The following PNPLA2 variants were observed in gnomAD, a reference collection of about 807,000 sequenced individuals.
PNPLA2 encodes patatin-like phospholipase domain-containing protein 2.
Under a neutral mutation model 39.7 loss-of-function variants are expected in PNPLA2, and 28 were observed. The ratio of observed to expected loss-of-function variants is 0.70; its 90% confidence interval spans 0.52 to 0.97. The LOEUF (loss-of-function observed/expected upper bound fraction) is 0.97, where lower values mean the gene tolerates loss of function less well. Among genes scored for constraint, PNPLA2 ranks in the 50% least tolerant of loss-of-function variants. The probability of loss-of-function intolerance (pLI) is 0.00; values close to 1 mark genes in which losing one functional copy is unlikely to be tolerated. For missense variants in PNPLA2, 768 were observed against 698.2 expected, an observed-to-expected ratio of 1.10 and a Z score of -1.13; for synonymous variants, 392 against 321.1, an observed-to-expected ratio of 1.22 and a Z score of -2.36.
chr11:821,898 G>A (rs747565546), intron 3 of PNPLA2, 38 bp downstream of exon 3: 51 of 1,609,340 alleles, frequency 3.2e-5, no homozygotes, highest in Middle Eastern at 1.6e-4. Flanking sequence ...GGCGGTGGGG[G>A]GGGCAGTGGG....
Position 824,953 on chromosome 11 carries a change from T to G in PNPLA2, c.*91T>G. 1 of 1,122,492 alleles carries G rather than the reference T, an allele frequency of 8.9e-7. No homozygotes were observed. The highest frequency in any genetic ancestry group is 1.6e-5 in the African/African-American group (1 of 63,992). 69.5% of individuals were successfully genotyped at this position (1,122,492 alleles called of 1,614,324 possible). The stretch of plus-strand genomic sequence containing the variant: ...GGACTCACAGTTGCCAAGAGGGGTC[T>G]TTGCCGTGGGCCCCCTCGCCAGCCA... On this transcript the variant is annotated 3_prime_UTR_variant, in exon 10 of 10. Coordinates refer to ENST00000336615, the MANE Select transcript of PNPLA2 (RefSeq NM_020376.4).
Position 822,531 on chromosome 11 carries a change from C to G in PNPLA2, c.621C>G (p.Val207=), listed in dbSNP as rs1845702532. Residue 207 remains valine, a synonymous_variant, in exon 5 of 10, where the codon GTC becomes GTG. Coordinates refer to ENST00000336615, the MANE Select transcript of PNPLA2 (RefSeq NM_020376.4). ...DSSTNIHELR[V]TNTSIQFNLR... is the part of the protein sequence containing the mutation. ...CCACCAACATCCACGAGCTGCGGGT[C>G]ACCAACACCAGCATCCAGTTCAACC... The G allele has an allele frequency of 6.2e-7, 1 of 1,613,944 alleles. No individual in the cohort carries two copies. The highest frequency in any genetic ancestry group is 1.3e-5 in the African/African-American group (1 of 74,942).
Position 822,002 on chromosome 11 carries a change from C to G in PNPLA2, c.465C>G (p.Ile155Met). The change falls in exon 4 of 10, where the codon ATC (isoleucine) becomes ATG (methionine). Residue 155 changes from isoleucine to methionine, a missense_variant. Coordinates refer to ENST00000336615, the MANE Select transcript of PNPLA2 (RefSeq NM_020376.4). ...TCATCCCCGTGTACTGTGGGCTCAT[C>G]CCTCCCTCCCTCCAGGGGGTGGTGA... ...SGFIPVYCGL[I>M]PPSLQGVRYV... The G allele has an allele frequency of 6.2e-7, 1 of 1,612,570 alleles. No homozygotes were observed. Among genetic ancestry groups the G allele is most frequent in the South Asian group, 1.1e-5 (1 of 91,060 alleles).
chr11:819,502 T>C, intron 1 of PNPLA2, 72 bp from the exon 2 acceptor site: 2 of 1,243,960 alleles, frequency 1.6e-6, no homozygotes, highest in South Asian at 2.7e-5. Flanking sequence ...CCCCGATTGG[T>C]CTTCGTGTGC....
chr11:824,712 G>T lies in PNPLA2; in HGVS notation c.1365G>T (p.Pro455=), dbSNP rs370430327. Residue 455 remains proline (P), a synonymous_variant, in exon 10 of 10, where the codon CCG becomes CCT. Transcript: ENST00000336615. ...TCTTCTGCACCAACGTGGCCTTCCCGCCCGAAGCTCTGCGCATGCGCGCAC... is the reference window on the plus strand; with the variant it reads ...TCTTCTGCACCAACGTGGCCTTCCCTCCCGAAGCTCTGCGCATGCGCGCAC... ...LGLFCTNVAF[P]PEALRMRAPA... The T allele has an allele frequency of 2.5e-6, 4 of 1,589,680 alleles. No homozygotes were observed. Among genetic ancestry groups the T allele is most frequent in the Admixed American group, 3.4e-5 (2 of 58,712 alleles).
chr11:819,604 G>A lies in PNPLA2; in HGVS notation c.-115G>A. The stretch of plus-strand genomic sequence containing the variant: ...TCGCCTCCGCCAGCGGGGACCCCGA[G>A]CTAGAGCCGCAGCGGGACCTGCCCG... On this transcript the variant is annotated 5_prime_UTR_variant, in exon 2 of 10. Transcript: ENST00000336615. 1 of 1,292,308 alleles carries A rather than the reference G, an allele frequency of 7.7e-7. No homozygotes were observed. Among genetic ancestry groups the A allele is most frequent in the Non-Finnish European group, 9.9e-7 (1 of 1,007,504 alleles). 80.1% of individuals were successfully genotyped at this position (1,292,308 alleles called of 1,614,324 possible).
intron 1 of PNPLA2, 148 bp from the exon 2 acceptor site, chr11:819,426 G>A: frequency 1.7e-6 from 2 of 1,153,246 alleles, no homozygotes; most frequent in South Asian, 3.6e-5. Context: ...GGAGGGCGGG[G>A]CTCCAGCGCG....
Position 822,743 on chromosome 11 carries a change from A to C in PNPLA2, c.696+137A>C, listed in dbSNP as rs1022472346. On this transcript the variant is annotated intron_variant, in intron 5 of 9. Transcript: ENST00000336615. ...TTCTGAGGGCTGGGGAAAGCGCACA[A>C]CCTTTCTAGGGGCAGATGGCCCATC... The C allele has an allele frequency of 1.5e-5, 11 of 736,186 alleles. No homozygotes were observed. The Admixed American group carries it at 1.6e-4, about 11-fold the overall frequency. The allele number at this position is 736,186 out of a possible 1,614,324, so 45.6% of individuals were successfully genotyped here.
chr11:821,232 G>T (rs1318968834), intron 2 of PNPLA2: 16 of 315,352 alleles, frequency 5.1e-5, no homozygotes, highest in Non-Finnish European at 1.8e-5. Context: ...TCCCGGGCCT[G>T]TGAACTGTGA....
chr11:825,144 C>T lies in PNPLA2; in HGVS notation c.*282C>T, dbSNP rs1373035622. ...CAGCTGCCCTTCCCTCCCCGTTTTT[C>T]ATGGCCTGCTGAAATATGTGTGTGA... On this transcript the variant is annotated 3_prime_UTR_variant, in exon 10 of 10. Coordinates refer to ENST00000336615, the MANE Select transcript of PNPLA2 (RefSeq NM_020376.4). 4 of 557,248 alleles carry T rather than the reference C, an allele frequency of 7.2e-6. No individual in the cohort carries two copies. Among genetic ancestry groups the T allele is most frequent in the Middle Eastern group, 4.6e-4 (1 of 2,162 alleles). The allele number at this position is 557,248 out of a possible 1,614,324, so 34.5% of individuals were successfully genotyped here. A position where few individuals can be genotyped will look rare whatever the true frequency, so the allele number is the denominator to read the frequency against.
intron 3 of PNPLA2, 22 bp from the exon 4 acceptor site, chr11:821,936 C>A (rs761684881): frequency 1.2e-5 from 20 of 1,613,542 alleles, no homozygotes; most frequent in Non-Finnish European, 1.5e-5. Flanking sequence ...TCATTCTCTC[C>A]CACTCTGTCC....
chr11:824,024 A>G lies in PNPLA2; in HGVS notation c.946A>G (p.Thr316Ala). 1 of 1,610,054 alleles carries G rather than the reference A, an allele frequency of 6.2e-7. No homozygotes were observed. The highest frequency in any genetic ancestry group is 8.5e-7 in the Non-Finnish European group (1 of 1,179,318). The change falls in exon 8 of 10, where the codon ACG (threonine) becomes GCG (alanine). Residue 316 changes from threonine (T) to alanine (A), a missense_variant. Thr to Ala is a moderately conservative substitution (Grantham distance 58). Transcript: ENST00000336615. ...EALLEACVEP[T>A]DLLTTLSNML... ...CCTGCTGGAGGCCTGCGTGGAGCCC[A>G]CGGACCTGCTGACCACCCTCTCCAA...
Position 824,747 on chromosome 11 carries a change from C to A in PNPLA2, c.1400C>A (p.Pro467Gln). The A allele has an allele frequency of 1.3e-6, 2 of 1,572,666 alleles. No homozygotes were observed. The highest frequency in any genetic ancestry group is 2.3e-5 in the East Asian group (1 of 43,278). Residue 467 changes from proline to glutamine, a missense_variant, in exon 10 of 10, where the codon CCG becomes CAG. Transcript: ENST00000336615. Reference sequence around the variant, plus strand: ...CTGCGCATGCGCGCACCCGCCGACCCGGCTCCCGCCCCCGCGGACCCAGCA... The same window carrying A: ...CTGCGCATGCGCGCACCCGCCGACCAGGCTCCCGCCCCCGCGGACCCAGCA... Reference protein sequence around the residue: ...EALRMRAPADPAPAPADPASP... With the variant: ...EALRMRAPADQAPAPADPASP...
chr11:824,041 CCT>C lies in PNPLA2; in HGVS notation c.967_968del (p.Ser323GlnfsTer228). ...CVEPTDLLTTLSNMLPVRLAT... is the reference protein window; with the variant it reads ...CVEPTDLLTTXSNMLPVRLAT... The stretch of plus-strand genomic sequence containing the variant: ...TGGAGCCCACGGACCTGCTGACCAC[CCT>C]CTCCAACATGCTGCCTGTGCGTCTG... On this transcript the variant is annotated frameshift_variant, in exon 8 of 10. Transcript: ENST00000336615. LOFTEE classifies it high-confidence loss of function. 6.2e-7 allele frequency: 1 copy of C among 1,610,902 alleles called. No individual in the cohort carries two copies. The highest frequency in any genetic ancestry group is 8.5e-7 in the Non-Finnish European group (1 of 1,179,482).
rs1178207518 is a variant in PNPLA2, at chr11:823,811, GAGA to G, written c.879_881del (p.Glu293del). The G allele has an allele frequency of 6.2e-6, 10 of 1,601,880 alleles. No individual in the cohort carries two copies. The highest frequency in any genetic ancestry group is 2.7e-5 in the African/African-American group (2 of 74,746). On this transcript the variant is annotated inframe_deletion, in exon 7 of 10. Transcript: ENST00000336615. The stretch of plus-strand genomic sequence containing the variant: ...GCGGAGGATTACTCGCAGCTGCCCG[GAGA>G]AGATCACATCCTGGAGCACCTGCCC...
chr11:819,352 C>T, intron 1 of PNPLA2: 1 of 945,606 alleles, frequency 1.1e-6, no homozygotes, highest in African/African-American at 1.8e-5. Flanking sequence ...CACCCCTAGG[C>T]GTGTGCCCCC....
At position 823,873 on chromosome 11, in the gene PNPLA2, G is replaced by C. The variant is rs375257985; in HGVS notation, c.919+18G>C. 6 of 1,571,374 alleles carry C rather than the reference G, an allele frequency of 3.8e-6. No individual in the cohort carries two copies. The Admixed American group carries it at 9.3e-5, about 24-fold the overall frequency. On this transcript the variant is annotated intron_variant, in intron 7 of 9. Transcript: ENST00000336615. Reference sequence around the variant, plus strand: ...CAATGAGGGTGCGCACCTGGGGGACGGGAGGGGAGGAGGGGAGGCAGGAGG... The same window carrying C: ...CAATGAGGGTGCGCACCTGGGGGACCGGAGGGGAGGAGGGGAGGCAGGAGG...
Position 824,620 on chromosome 11 carries a change from A to T in PNPLA2, c.1273A>T (p.Asn425Tyr), listed in dbSNP as rs773552311. ...AGAGGCACTGCCCGGCTGGATGCGCAACAACCTCTCGCTGGGGGACGCGCT... is the reference window on the plus strand; with the variant it reads ...AGAGGCACTGCCCGGCTGGATGCGCTACAACCTCTCGCTGGGGGACGCGCT... ...YREALPGWMR[N>Y]NLSLGDALAK... Residue 425 changes from asparagine to tyrosine, a missense_variant, in exon 10 of 10, where the codon AAC becomes TAC. Physicochemically the swap from Asn to Tyr is moderately radical, Grantham distance 143 (BLOSUM62 -2). Transcript: ENST00000336615. 2 of 1,595,482 alleles carry T rather than the reference A, an allele frequency of 1.3e-6. No individual in the cohort carries two copies. The highest frequency in any genetic ancestry group is 2.7e-5 in the African/African-American group (2 of 74,858).
intron 4 of PNPLA2, 75 bp from the exon 5 acceptor site, chr11:822,322 G>GTGGGGTGGC (rs1296734300): frequency 2.2e-6 from 3 of 1,340,988 alleles, no homozygotes; most frequent in Non-Finnish European, 3.2e-6. Flanking sequence ...TGGTGGCCGG[G>GTGGGGTGGC]TGGGGTGGCT....
Sources: gnomAD v4.1 joint callset for allele counts on GRCh38, gnomAD v4.1.1 for gene constraint, MANE v1.5 for transcripts, NCBI Gene and HGNC (gene_info 2026-07-23, HGNC 2026-07-21) for gene names.